Variants in ANKIB1 observed in about 807,000 individuals in gnomAD.
ANKIB1 encodes the protein ankyrin repeat and IBR domain containing 1.
In ANKIB1, 43 loss-of-function variants were observed where a neutral mutation model predicts 122.1. That is an observed-to-expected ratio of 0.35 (90% CI 0.28 to 0.45). The LOEUF (loss-of-function observed/expected upper bound fraction) is 0.45, where lower values mean the gene tolerates loss of function less well. ANKIB1 is among the 20% of genes least tolerant of loss of function. ANKIB1 has a pLI of 1.00. For missense variants in ANKIB1, 992 were observed against 1,329.5 expected (o/e 0.75, Z 3.95); for synonymous variants, 390 against 442.0 (o/e 0.88, Z 1.48).
In ANKIB1 at chr7:92,350,931, C is replaced by T. The variant is rs749454729; in HGVS notation, c.1086-19C>T. ...TTAATATCCTTGCTCGTTTGATGTGCATTGATCCATTTTAATAGGTTTTTG... is the reference window on the plus strand; with the variant it reads ...TTAATATCCTTGCTCGTTTGATGTGTATTGATCCATTTTAATAGGTTTTTG... On this transcript the variant is annotated intron_variant, in intron 7 of 19. Transcript: ENST00000265742. 12 of 1,589,816 alleles carry T rather than the reference C, an allele frequency of 7.5e-6. 1 individual carries two copies. In the South Asian group the frequency reaches 1.4e-4, roughly 19 times the overall value.
chr7:92,394,127 T>A (rs1004435638), intron 17 of ANKIB1, among the ~76,000 whole-genome samples: 13 of 152,164 alleles, frequency 8.5e-5, no homozygotes. Flanking sequence ...TCCTAGGCTA[T>A]GTTCTTTCTT....
intron 10 of ANKIB1, among the ~76,000 whole-genome samples, chr7:92,362,909 C>CA (rs1803983530): frequency 8.0e-6 from 1 of 124,780 alleles, no homozygotes; most frequent in Non-Finnish European, 1.8e-5. Flanking sequence ...TGAGGGGACT[C>CA]CTTTTTAAAG....
intron 10 of ANKIB1, 59 bp downstream of exon 10, chr7:92,362,332 G>A (rs925792006): frequency 1.8e-5 from 26 of 1,440,718 alleles, no homozygotes; most frequent in Non-Finnish European, 2.3e-5. Flanking sequence ...AAAAGATAAT[G>A]TGGTCATATC....
At chr7:92,300,323 G>A (rs964102926) in intron 2 of ANKIB1, among the ~76,000 whole-genome samples, 1 of 152,022 alleles carries the variant, frequency 6.6e-6, no homozygotes, top group Non-Finnish European at 1.5e-5. Context: ...TTATACTTAT[G>A]TTTTTACAAC....
intron 1 of ANKIB1, among the ~76,000 whole-genome samples, chr7:92,273,389 CCTTT>C (rs1801837825): frequency 2.6e-5 from 4 of 152,162 alleles, no homozygotes; most frequent in Non-Finnish European, 5.9e-5. Flanking sequence ...TCAGCTTTGT[CCTTT>C]CTGTCTCTAG....
rs150127700 is a variant in ANKIB1 at position 92,312,925 on chromosome 7, G to C, written c.486+5269G>C. Among the ~76,000 whole-genome samples the C allele has an allele frequency of 2.9e-3, 441 of 152,226 alleles. 3 individuals are homozygous for C. Among genetic ancestry groups the C allele is most frequent in the African/African-American group, 1.0e-2 (415 of 41,552 alleles). ...CTTGGGAACAGGAATGGACTTGAGA[G>C]GGGTGGTGGGTTAGGTCTATTAGCA... On this transcript the variant is annotated intron_variant, in intron 3 of 19. Transcript: ENST00000265742.
intron 10 of ANKIB1, among the ~76,000 whole-genome samples, chr7:92,369,966 G>T (rs1023026869): frequency 6.6e-6 from 1 of 152,176 alleles, no homozygotes; most frequent in Non-Finnish European, 1.5e-5. Flanking sequence ...CCTTAAGATT[G>T]CAGATCTCAA....
At chr7:92,314,298 CAAA>C (rs932606674) in intron 3 of ANKIB1, among the ~76,000 whole-genome samples, 1 of 121,376 alleles carries the variant, frequency 8.2e-6, no homozygotes, top group Non-Finnish European at 1.8e-5. Flanking sequence ...ATGCTGTCTC[CAAA>C]AAAAAAAAAG....
At chr7:92,343,818 T>C (rs1371796809) in intron 6 of ANKIB1, among the ~76,000 whole-genome samples, 2 of 152,244 alleles carry the variant, frequency 1.3e-5, no homozygotes, top group African/African-American at 4.8e-5. Flanking sequence ...TGTATTTGTT[T>C]CAGTAAAGCT....
intron 11 of ANKIB1, among the ~76,000 whole-genome samples, chr7:92,377,073 C>T (rs4729035): frequency 0.095 from 14,532 of 152,240 alleles, 906 homozygotes; most frequent in East Asian, 0.36. Context: ...CTAACTGACA[C>T]AAGAAGCCTA....
At chr7:92,355,144 T>C (rs978774329) in intron 9 of ANKIB1, among the ~76,000 whole-genome samples, 1 of 152,324 alleles carries the variant, frequency 6.6e-6, no homozygotes, top group Non-Finnish European at 1.5e-5. Context: ...GAAGCTAGCA[T>C]GGTTTCTCCC....
At chr7:92,385,445 A>G (rs1391178186) in intron 11 of ANKIB1, among the ~76,000 whole-genome samples, 3 of 152,196 alleles carry the variant, frequency 2.0e-5, no homozygotes, top group Non-Finnish European at 4.4e-5. Context: ...TGTTTATTGC[A>G]GCACTATTCA....
At chr7:92,334,826 A>G (rs758530581) in intron 5 of ANKIB1, among the ~76,000 whole-genome samples, 1 of 151,846 alleles carries the variant, frequency 6.6e-6, no homozygotes, top group Non-Finnish European at 1.5e-5. Flanking sequence ...AACATACCAT[A>G]CTCTGTTGCT....
At chr7:92,246,667 C>T (rs920161532) in intron 1 of ANKIB1, 148 bp downstream of exon 1, 1 of 444,394 alleles carries the variant, frequency 2.3e-6, no homozygotes, top group Non-Finnish European at 4.5e-6. Flanking sequence ...TCTGTCTGTC[C>T]CCATCCCTGA....
At chr7:92,295,662 G>T (rs1490252193) in intron 2 of ANKIB1, among the ~76,000 whole-genome samples, 4 of 152,154 alleles carry the variant, frequency 2.6e-5, no homozygotes, top group Non-Finnish European at 5.9e-5. Flanking sequence ...GTCATGATCA[G>T]TTTGAATTTC....
Position 92,352,556 on chromosome 7 carries a change from G to T in ANKIB1, c.1311G>T (p.Gly437=). 1.2e-6 allele frequency: 2 copies of T among 1,613,740 alleles called. No individual in the cohort carries two copies. The highest frequency in any genetic ancestry group is 1.7e-6 in the Non-Finnish European group (2 of 1,179,810). Residue 437 remains glycine (G), a synonymous_variant, in exon 9 of 20, where the codon GGG becomes GGT. Coordinates refer to ENST00000265742, the MANE Select transcript of ANKIB1 (RefSeq NM_019004.2). ...CDRAVRLTKQ[G]SNTSGSDTLS... is the part of the protein sequence containing the mutation. ...GAGCAGTAAGACTAACGAAACAAGG[G>T]TCAAATACATCTGGATCTGATACAC...
intron 6 of ANKIB1, 63 bp downstream of exon 6, chr7:92,343,295 A>T: frequency 7.1e-7 from 1 of 1,415,526 alleles, no homozygotes; most frequent in Non-Finnish European, 9.8e-7. Context: ...CATTCAAATG[A>T]TTTAATATTG....
intron 6 of ANKIB1, 150 bp downstream of exon 6, chr7:92,343,382 C>A: frequency 1.5e-6 from 1 of 659,414 alleles, no homozygotes; most frequent in East Asian, 2.7e-5. Context: ...TTCCATGCTT[C>A]AGTAAATATT....
intron 3 of ANKIB1, among the ~76,000 whole-genome samples, chr7:92,309,942 A>AAAAAAAAATATATATATATATATATATAT (rs1335765681): frequency 1.1e-5 from 1 of 91,790 alleles, no homozygotes; most frequent in African/African-American, 4.8e-5. Context: ...AAAAAAAAAA[A>AAAAAAAAATATATATATATATATATATAT]ATATATATAT....
Sources: gnomAD v4.1 joint callset for allele counts (sites outside exome capture counted in the v4.1 genomes callset) on GRCh38, gnomAD v4.1.1 for gene constraint, MANE v1.5 for transcripts, NCBI Gene and HGNC (gene_info 2026-07-23, HGNC 2026-07-21) for gene names.